The following HACD4 variants were observed in gnomAD, a reference collection of about 807,000 sequenced individuals.
HACD4 encodes the protein very-long-chain (3R)-3-hydroxyacyl-CoA dehydratase 4.
Under a neutral mutation model 33.3 loss-of-function variants are expected in HACD4, and 35 were observed. The observed-to-expected ratio is 1.05, with a 90% CI of 0.80 to 1.39. The LOEUF is 1.39. Among genes scored for constraint, HACD4 ranks in the 40% most tolerant of loss-of-function variants. The pLI is 0.00. For synonymous variants in HACD4, 118 were observed against 98.0 expected (o/e 1.20, Z -1.21); for missense variants, 323 against 276.5 (o/e 1.17, Z -1.19).
At chr9:21,017,777 C>A (rs1219355408) in intron 3 of HACD4, 2 of 152,162 alleles carry the variant, frequency 1.3e-5, no homozygotes, top group African/African-American at 4.8e-5. Flanking sequence ...CCCAGCCCCA[C>A]CTTTTTGGAA....
chr9:21,022,411 A>C (rs1817938294), intron 3 of HACD4, among the ~76,000 whole-genome samples: 1 of 152,226 alleles, frequency 6.6e-6, no homozygotes, highest in African/African-American at 2.4e-5. Context: ...CGGTACAGCA[A>C]AAGAAACTAC....
chr9:21,029,239 T>G, intron 2 of HACD4, 56 bp downstream of exon 2: 1 of 942,508 alleles, frequency 1.1e-6, no homozygotes, highest in East Asian at 2.4e-5. Context: ...ATAAGCAGGA[T>G]GAGGTGAAAA....
At chr9:21,014,413 A>G (rs1002655048) in intron 4 of HACD4, among the ~76,000 whole-genome samples, 6 of 152,358 alleles carry the variant, frequency 3.9e-5, no homozygotes, top group Non-Finnish European at 8.8e-5. Flanking sequence ...ACATGCCACA[A>G]CACAGAGGAA....
rs780903882 is a variant in HACD4, at chr9:21,011,616, T to C, written c.463A>G (p.Ile155Val). Residue 155 changes from isoleucine to valine, a missense_variant, in exon 5 of 7, where the codon ATT (isoleucine) becomes GTT (valine). Coordinates refer to ENST00000495827, the MANE Select transcript of HACD4 (RefSeq NM_001010915.5). ...TCAGCAAGAACACACAAAGGATAAA[T>C]TGGCATCCATAGTGTTTGACTGAGC... is the stretch of plus-strand genomic sequence containing the variant. Reference protein sequence around the residue: ...TWLSQTLWMPIYPLCVLAEAF... With the variant: ...TWLSQTLWMPVYPLCVLAEAF... The C allele has an allele frequency of 2.2e-5, 35 of 1,608,442 alleles. No individual in the cohort carries two copies. The highest frequency in any genetic ancestry group is 1.3e-4 in the Admixed American group (8 of 59,938).
At chr9:21,010,848 A>G (rs193218203) in intron 5 of HACD4, among the ~76,000 whole-genome samples, 1 of 152,240 alleles carries the variant, frequency 6.6e-6, no homozygotes, top group Non-Finnish European at 1.5e-5. Context: ...CACACAACCT[A>G]GATCCCTCAC....
intron 2 of HACD4, among the ~76,000 whole-genome samples, chr9:21,028,784 A>G (rs1317708226): frequency 6.6e-6 from 1 of 152,194 alleles, no homozygotes; most frequent in Non-Finnish European, 1.5e-5. Context: ...GCTGACTCCT[A>G]TATAAGTGGT....
At chr9:21,012,271 G>C (rs1587827878) in intron 4 of HACD4, among the ~76,000 whole-genome samples, 1 of 152,132 alleles carries the variant, frequency 6.6e-6, no homozygotes, top group East Asian at 1.9e-4. Flanking sequence ...TTTTAGGCTT[G>C]AGCATATATC....
rs1402063392 is a variant in HACD4, at chr9:21,000,746, T to A, written c.*6291A>T. On this transcript the variant is annotated 3_prime_UTR_variant, in exon 7 of 7. Transcript: ENST00000495827. ...TAGATACTGGGTAAAGGAAGATAATTTTTAGCATATTTTAACCTTAATTTT... is the reference window on the plus strand; with the variant it reads ...TAGATACTGGGTAAAGGAAGATAATATTTAGCATATTTTAACCTTAATTTT... 1 of 152,112 alleles carries A rather than the reference T, an allele frequency of 6.6e-6. No individual in the cohort carries two copies. Among genetic ancestry groups the A allele is most frequent in the African/African-American group, 2.4e-5 (1 of 41,436 alleles). 9.4% of individuals were successfully genotyped at this position (152,112 alleles called of 1,614,324 possible).
At chr9:21,018,052 A>C (rs1339646938) in intron 3 of HACD4, 1 of 152,216 alleles carries the variant, frequency 6.6e-6, no homozygotes, top group Non-Finnish European at 1.5e-5. Context: ...ACCACAACAC[A>C]CATACACACG....
intron 2 of HACD4, among the ~76,000 whole-genome samples, chr9:21,028,636 A>G (rs1179767633): frequency 6.6e-6 from 1 of 152,224 alleles, no homozygotes; most frequent in Non-Finnish European, 1.5e-5. Flanking sequence ...AAGTCACTCA[A>G]CAGTTGTAAA....
chr9:21,008,611 T>C (rs1842332679), intron 5 of HACD4, among the ~76,000 whole-genome samples: 1 of 152,072 alleles, frequency 6.6e-6, no homozygotes, highest in Non-Finnish European at 1.5e-5. Context: ...CCTTAGAATA[T>C]CTCCTTCTTC....
At chr9:21,013,201 G>A (rs548911881) in intron 4 of HACD4, among the ~76,000 whole-genome samples, 1 of 151,482 alleles carries the variant, frequency 6.6e-6, no homozygotes, top group East Asian at 1.9e-4. Flanking sequence ...GAGTTTCATA[G>A]TTTTCCACTT....
In HACD4 at chr9:21,006,957, A is replaced by G. The variant is rs1842284726; in HGVS notation, c.*80T>C. ...TTTATCAAATACAAGGTATTTTTCC[A>G]CCAGAATACTTCCTGTGTTTTATTT... is the stretch of plus-strand genomic sequence containing the variant. On this transcript the variant is annotated 3_prime_UTR_variant, in exon 7 of 7. Coordinates refer to ENST00000495827, the MANE Select transcript of HACD4 (RefSeq NM_001010915.5). This position sits in a 1 kb window ranked among gnomAD's most constrained non-coding sequence, Gnocchi z 4.6. 9.4e-6 allele frequency: 8 copies of G among 846,914 alleles called. No individual in the cohort carries two copies. In the Admixed American group the frequency reaches 1.2e-4, roughly 13 times the overall value. The allele number at this position is 846,914 out of a possible 1,614,324, so 52.5% of individuals were successfully genotyped here. A position where few individuals can be genotyped will look rare whatever the true frequency, so the allele number is the denominator to read the frequency against.
At chr9:21,020,253 T>C (rs1424556515) in intron 3 of HACD4, among the ~76,000 whole-genome samples, 1 of 152,144 alleles carries the variant, frequency 6.6e-6, no homozygotes, top group Non-Finnish European at 1.5e-5. Flanking sequence ...GAAGGATGTA[T>C]AATTGAATCA....
intron 1 of HACD4, among the ~76,000 whole-genome samples, chr9:21,031,217 A>C (rs1818207725): frequency 6.6e-6 from 1 of 152,136 alleles, no homozygotes; most frequent in East Asian, 1.9e-4. Flanking sequence ...ACATCTAAAA[A>C]TCACCCCGCA....
chr9:21,005,317 A>G lies in HACD4; in HGVS notation c.*1720T>C, dbSNP rs943079035. On this transcript the variant is annotated 3_prime_UTR_variant, in exon 7 of 7. Transcript: ENST00000495827. This position sits in a 1 kb window ranked among gnomAD's most constrained non-coding sequence, Gnocchi z 4.0. ...CAAAAACGGAACCAGAACTTAAAAG[A>G]TGTGGGAAATTATCAGTCTGTCTGC... The G allele has an allele frequency of 1.3e-5, 2 of 152,362 alleles. No homozygotes were observed. Among genetic ancestry groups the G allele is most frequent in the African/African-American group, 4.8e-5 (2 of 41,586 alleles). 9.4% of individuals were successfully genotyped at this position (152,362 alleles called of 1,614,324 possible).
At chr9:21,015,707 T>C in intron 4 of HACD4, 191 bp downstream of exon 4, 1 of 458,820 alleles carries the variant, frequency 2.2e-6, no homozygotes, top group Non-Finnish European at 3.9e-6. Context: ...AATACCACGG[T>C]AGGTTTTCAT....
chr9:21,028,564 C>G (rs1415679226), intron 2 of HACD4, among the ~76,000 whole-genome samples: 1 of 152,196 alleles, frequency 6.6e-6, no homozygotes, highest in Non-Finnish European at 1.5e-5. Context: ...CACAGCATGA[C>G]TTTTCCCAGC....
intron 3 of HACD4, chr9:21,017,661 A>T (rs1817797724): frequency 6.6e-6 from 1 of 152,200 alleles, no homozygotes; most frequent in Non-Finnish European, 1.5e-5. Context: ...GGATACATGA[A>T]TAAAATACAG....
Sources: gnomAD v4.1 joint callset for allele counts (sites outside exome capture counted in the v4.1 genomes callset) on GRCh38, gnomAD v4.1.1 for gene constraint, Gnocchi (gnomAD v3.1) non-coding constraint, MANE v1.5 for transcripts, NCBI Gene and HGNC (gene_info 2026-07-23, HGNC 2026-07-21) for gene names.